GRAMD1B: variants seen among roughly 807,000 people sequenced by gnomAD.
GRAMD1B encodes GRAM domain containing 1B.
GRAMD1B carries 37 observed loss-of-function variants against 99.7 expected under a neutral mutation model. The observed-to-expected ratio is 0.37, with a 90% CI of 0.29 to 0.49. The LOEUF is 0.49. Ranked by LOEUF, GRAMD1B falls within the 20% of genes least tolerant of loss-of-function variation. The probability of loss-of-function intolerance (pLI) is 0.98; values close to 1 mark genes in which losing one functional copy is unlikely to be tolerated. For synonymous variants in GRAMD1B, 427 were observed against 387.6 expected (o/e 1.10, Z -1.19); for missense variants, 888 against 1,009.2 (o/e 0.88, Z 1.63).
intron 9 of GRAMD1B, among the ~76,000 whole-genome samples, chr11:123,604,493 C>A (rs1023929907): frequency 6.6e-6 from 1 of 152,084 alleles, no homozygotes; most frequent in Non-Finnish European, 1.5e-5. Context: ...TAGACTGGCA[C>A]AAAGCATGCT....
At chr11:123,484,669 C>A (rs889875143) in intron 2 of GRAMD1B, among the ~76,000 whole-genome samples, 1 of 152,102 alleles carries the variant, frequency 6.6e-6, no homozygotes, top group Non-Finnish European at 1.5e-5. Flanking sequence ...GACCGGCCCC[C>A]CCTCCAACCC....
At chr11:123,545,616 T>C (rs922388987) in intron 2 of GRAMD1B, among the ~76,000 whole-genome samples, 1 of 152,190 alleles carries the variant, frequency 6.6e-6, no homozygotes, top group Non-Finnish European at 1.5e-5. Context: ...TTTTCTCACC[T>C]CTAAAATAGG....
At chr11:123,602,104 G>T (rs1378279952) in intron 8 of GRAMD1B, among the ~76,000 whole-genome samples, 1 of 152,190 alleles carries the variant, frequency 6.6e-6, no homozygotes, top group African/African-American at 2.4e-5. Flanking sequence ...AGAGAAGGAG[G>T]TGATACCTCC....
chr11:123,527,189 G>T (rs920935104), intron 2 of GRAMD1B, among the ~76,000 whole-genome samples: 1 of 152,144 alleles, frequency 6.6e-6, no homozygotes, highest in Non-Finnish European at 1.5e-5. Flanking sequence ...GGGGTGGGGT[G>T]GCGGCAGGTC....
chr11:123,486,759 G>T (rs758324195), intron 2 of GRAMD1B, among the ~76,000 whole-genome samples: 2 of 152,144 alleles, frequency 1.3e-5, no homozygotes, highest in African/African-American at 4.8e-5. Flanking sequence ...GAAATTATGC[G>T]TAAGGTAATA....
chr11:123,412,369 CT>C (rs1236164221), intron 1 of GRAMD1B, among the ~76,000 whole-genome samples: 1 of 152,238 alleles, frequency 6.6e-6, no homozygotes, highest in Non-Finnish European at 1.5e-5. Context: ...GTACTTGACA[CT>C]TTACCTGTGG....
At chr11:123,363,867 C>T (rs1946230833) in intron 1 of GRAMD1B, among the ~76,000 whole-genome samples, 1 of 152,222 alleles carries the variant, frequency 6.6e-6, no homozygotes, top group Non-Finnish European at 1.5e-5. Flanking sequence ...TAGACACGGA[C>T]TTACTTCCTT....
intron 10 of GRAMD1B, 126 bp from the exon 11 acceptor site, chr11:123,606,483 T>C: frequency 1.2e-6 from 1 of 812,480 alleles, no homozygotes; most frequent in Non-Finnish European, 1.9e-6. Context: ...AGCCTGACTC[T>C]GACTTCGCTC....
chr11:123,577,601 G>GT, intron 3 of GRAMD1B, 24 bp downstream of exon 3: 1 of 1,533,388 alleles, frequency 6.5e-7, no homozygotes, highest in Non-Finnish European at 8.9e-7. Flanking sequence ...CGTTGAGGCG[G>GT]TACCTCCTTG....
At chr11:123,577,807 A>AT (rs36014098) in intron 3 of GRAMD1B, among the ~76,000 whole-genome samples, 2,008 of 145,892 alleles carry the variant, frequency 0.014, 38 homozygotes, top group East Asian at 0.055. Flanking sequence ...GGAGGCTCAT[A>AT]TTTTTTTTTT....
chr11:123,567,354 A>G (rs1296157605), intron 2 of GRAMD1B, among the ~76,000 whole-genome samples: 1 of 152,234 alleles, frequency 6.6e-6, no homozygotes, highest in Non-Finnish European at 1.5e-5. Flanking sequence ...GAGGAAGCAG[A>G]TGGATTTACT....
At chr11:123,376,308 T>C (rs145092390) in intron 1 of GRAMD1B, among the ~76,000 whole-genome samples, 2 of 152,354 alleles carry the variant, frequency 1.3e-5, no homozygotes, top group East Asian at 3.8e-4. Context: ...TCTAATCAGA[T>C]GGTGTGTACA....
intron 2 of GRAMD1B, among the ~76,000 whole-genome samples, chr11:123,576,919 T>G (rs1033008349): frequency 6.6e-6 from 1 of 152,260 alleles, no homozygotes; most frequent in African/African-American, 2.4e-5. Flanking sequence ...GGATTGTAAT[T>G]GTTATTTTCA....
In GRAMD1B at chr11:123,587,384, A is replaced by G. The variant is rs77729894; in HGVS notation, c.684+3052A>G. On this transcript the variant is annotated intron_variant, in intron 4 of 19. Transcript: ENST00000635736. This position sits in a 1 kb window ranked among gnomAD's most constrained non-coding sequence, Gnocchi z 4.2. Reference sequence around the variant, plus strand: ...GAAGCCCCAGTCTACCACCCCAGTCATATTCATCAGGGCCTTCAGATCAAG... The same window carrying G: ...GAAGCCCCAGTCTACCACCCCAGTCGTATTCATCAGGGCCTTCAGATCAAG... 3.3e-5 allele frequency among the ~76,000 whole-genome samples: 5 copies of G among 152,296 alleles called. No individual in the cohort carries two copies. The highest frequency in any genetic ancestry group is 3.9e-4 in the East Asian group (2 of 5,166).
Position 123,606,151 on chromosome 11 carries a change from C to G in GRAMD1B, c.1324-458C>G, listed in dbSNP as rs189490618. Among the ~76,000 whole-genome samples the G allele has an allele frequency of 9.8e-5, 15 of 152,316 alleles. No homozygotes were observed. In the East Asian group the frequency reaches 2.9e-3, roughly 29 times the overall value. The stretch of plus-strand genomic sequence containing the variant: ...AAACATTATTCATTGGATACCTGGT[C>G]TTTATTTTCCATCTCTGAGGTTATC... On this transcript the variant is annotated intron_variant, in intron 10 of 19. Coordinates refer to ENST00000635736, the MANE Select transcript of GRAMD1B (RefSeq NM_001387025.1).
intron 1 of GRAMD1B, among the ~76,000 whole-genome samples, chr11:123,403,418 A>G (rs1383890299): frequency 6.7e-6 from 1 of 148,196 alleles, no homozygotes; most frequent in East Asian, 2.0e-4. Flanking sequence ...CAAGAGCTAA[A>G]CTCAGTCTCA....
chr11:123,473,468 C>T (rs1951113002), intron 1 of GRAMD1B, among the ~76,000 whole-genome samples: 1 of 152,108 alleles, frequency 6.6e-6, no homozygotes, highest in Non-Finnish European at 1.5e-5. Flanking sequence ...GATGAAGTCT[C>T]ACTGTATTAC....
chr11:123,369,429 A>T (rs548180678), intron 1 of GRAMD1B, among the ~76,000 whole-genome samples: 1 of 152,346 alleles, frequency 6.6e-6, no homozygotes, highest in East Asian at 1.9e-4. Flanking sequence ...AGGTAACAGA[A>T]TCTAGCAAAA....
At chr11:123,582,254 C>T (rs1385195803) in intron 3 of GRAMD1B, among the ~76,000 whole-genome samples, 1 of 152,230 alleles carries the variant, frequency 6.6e-6, no homozygotes, top group African/African-American at 2.4e-5. Flanking sequence ...TGAGCCATCC[C>T]TAGGCGCAGA....
Sources: gnomAD v4.1 joint callset for allele counts (sites outside exome capture counted in the v4.1 genomes callset) on GRCh38, gnomAD v4.1.1 for gene constraint, Gnocchi (gnomAD v3.1) non-coding constraint, MANE v1.5 for transcripts, NCBI Gene and HGNC (gene_info 2026-07-23, HGNC 2026-07-21) for gene names.